NUP153: variants seen among roughly 807,000 people sequenced by gnomAD.
The protein encoded by NUP153 is nuclear pore complex protein Nup153.
Under a neutral mutation model 134.6 loss-of-function variants are expected in NUP153, and 27 were observed. The ratio of observed to expected loss-of-function variants is 0.20; its 90% CI spans 0.15 to 0.28. The LOEUF (loss-of-function observed/expected upper bound fraction) is 0.28, where lower values mean the gene tolerates loss of function less well. Among genes scored for constraint, NUP153 ranks in the 10% least tolerant of loss-of-function variants. The pLI, the probability that NUP153 is intolerant of heterozygous loss-of-function variation, is 1.00. For missense variants in NUP153, 1,821 were observed against 1,731.3 expected (o/e 1.05, Z -0.92); for synonymous variants, 640 against 623.5 (o/e 1.03, Z -0.40).
At chr6:17,652,711 G>C (rs975061630) in intron 11 of NUP153, among the ~76,000 whole-genome samples, 6 of 152,122 alleles carry the variant, frequency 3.9e-5, no homozygotes, top group African/African-American at 1.2e-4. Flanking sequence ...AATTTATAAA[G>C]ACCTCCTAAA....
At chr6:17,686,435 G>A (rs1396721221) in intron 2 of NUP153, among the ~76,000 whole-genome samples, 2 of 149,560 alleles carry the variant, frequency 1.3e-5, no homozygotes, top group Admixed American at 6.7e-5. Context: ...TCTCGCTGTC[G>A]CCCAGGCTGG....
Position 17,680,118 on chromosome 6 carries a change from C to T in NUP153, c.335-4348G>A, listed in dbSNP as rs1251331384. On this transcript the variant is annotated intron_variant, in intron 2 of 21. Coordinates refer to ENST00000262077, the MANE Select transcript of NUP153 (RefSeq NM_005124.4). This position sits in a 1 kb window ranked among gnomAD's most constrained non-coding sequence, Gnocchi z 4.5. ...GAAGCCAGGAAGAGGATCCTTGAGC[C>T]TCACCTCCACTGTTTCCCTTGCGCT... 2.0e-5 allele frequency among the ~76,000 whole-genome samples: 3 copies of T among 152,160 alleles called. No homozygotes were observed. The East Asian group carries it at 5.8e-4, about 29-fold the overall frequency.
chr6:17,658,032 C>A (rs1195934669), intron 11 of NUP153, among the ~76,000 whole-genome samples: 1 of 152,238 alleles, frequency 6.6e-6, no homozygotes, highest in African/African-American at 2.4e-5. Context: ...GCAGCAAAGA[C>A]AACTTGCCAA....
At chr6:17,679,405 A>T (rs1400190191) in intron 2 of NUP153, among the ~76,000 whole-genome samples, 1 of 152,364 alleles carries the variant, frequency 6.6e-6, no homozygotes, top group South Asian at 2.1e-4. Flanking sequence ...ACGTACATGG[A>T]CTACAAGACT....
At chr6:17,705,865 G>A (rs148495824) in intron 1 of NUP153, among the ~76,000 whole-genome samples, 3,159 of 151,982 alleles carry the variant, frequency 0.021, 34 homozygotes, top group Middle Eastern at 0.037. Flanking sequence ...CACTAAAGAA[G>A]GGACACCAGA....
At chr6:17,624,484 G>C in intron 20 of NUP153, 77 bp downstream of exon 20, 6 of 1,381,598 alleles carry the variant, frequency 4.3e-6, no homozygotes, top group Non-Finnish European at 6.0e-6. Context: ...ACATATGAAT[G>C]GTTTCCAAGC....
intron 11 of NUP153, among the ~76,000 whole-genome samples, chr6:17,652,198 C>CATT (rs1766536247): frequency 6.6e-6 from 1 of 152,150 alleles, no homozygotes; most frequent in Non-Finnish European, 1.5e-5. Context: ...AGATCTAATA[C>CATT]TATCAGCTTA....
chr6:17,688,430 T>C lies in NUP153; in HGVS notation c.300A>G (p.Arg100=), dbSNP rs763852727. 6 of 1,613,972 alleles carry C rather than the reference T, an allele frequency of 3.7e-6. No individual in the cohort carries two copies. Among genetic ancestry groups the C allele is most frequent in the Non-Finnish European group, 5.1e-6 (6 of 1,179,952 alleles). ...TACTGACTGCTGGCTCAGGTGTGATTCTCCCATCAGTAATATTAGAGCTCT... is the reference window on the plus strand; with the variant it reads ...TACTGACTGCTGGCTCAGGTGTGATCCTCCCATCAGTAATATTAGAGCTCT... ...DEESSNITDG[R]ITPEPAVSNT... Residue 100 remains arginine, a synonymous_variant, in exon 2 of 22, where the codon AGA becomes AGG. Transcript: ENST00000262077.
chr6:17,632,298 CA>C (rs1026083650), intron 17 of NUP153, among the ~76,000 whole-genome samples: 1 of 148,338 alleles, frequency 6.7e-6, no homozygotes, highest in African/African-American at 2.4e-5. Flanking sequence ...AAAACTGTCT[CA>C]AAAACAAACA....
intron 14 of NUP153, among the ~76,000 whole-genome samples, chr6:17,644,790 A>G (rs1028568214): frequency 4.6e-5 from 7 of 152,128 alleles, no homozygotes; most frequent in Non-Finnish European, 8.8e-5. Flanking sequence ...TAAAAATACA[A>G]AAAATTAGCC....
At chr6:17,699,662 C>T (rs1429613213) in intron 1 of NUP153, among the ~76,000 whole-genome samples, 1 of 151,810 alleles carries the variant, frequency 6.6e-6, no homozygotes, top group African/African-American at 2.4e-5. Flanking sequence ...ATGGTGAAAC[C>T]CCGTGTCTAC....
chr6:17,675,470 A>G lies in NUP153; in HGVS notation c.583+52T>C. The stretch of plus-strand genomic sequence containing the variant: ...TACAACCAAGTCAGAAAAAAAACCC[A>G]TAAAATTTAATGTTACTACCCAAAT... On this transcript the variant is annotated intron_variant, in intron 3 of 21. Transcript: ENST00000262077. This position sits in a 1 kb window ranked among gnomAD's most constrained non-coding sequence, Gnocchi z 4.4. The G allele has an allele frequency of 3.1e-6, 5 of 1,589,506 alleles. No individual in the cohort carries two copies. In the East Asian group the frequency reaches 6.7e-5, roughly 21 times the overall value.
chr6:17,645,129 T>C (rs1231134414), intron 14 of NUP153, among the ~76,000 whole-genome samples: 1 of 151,038 alleles, frequency 6.6e-6, no homozygotes. Context: ...GGCAGGCACC[T>C]GTAATCCAAG....
At chr6:17,645,353 G>A (rs910284291) in intron 14 of NUP153, among the ~76,000 whole-genome samples, 12 of 151,636 alleles carry the variant, frequency 7.9e-5, no homozygotes, top group African/African-American at 2.7e-4. Flanking sequence ...TAGTGTGGTA[G>A]TGCAATCATA....
chr6:17,653,081 T>C lies in NUP153; in HGVS notation c.1396-3781A>G, dbSNP rs559004413. ...CAGCCTGGGCAACATGGTGAAACCC[T>C]GTCTCTAATGAAATATAAAAAATTA... On this transcript the variant is annotated intron_variant, in intron 11 of 21. Transcript: ENST00000262077. Among the ~76,000 whole-genome samples, 9 of 152,124 alleles carry C rather than the reference T, an allele frequency of 5.9e-5. No homozygotes were observed. In the East Asian group the frequency reaches 1.5e-3, roughly 26 times the overall value.
At chr6:17,631,790 C>T (rs991173579) in intron 17 of NUP153, among the ~76,000 whole-genome samples, 2 of 151,980 alleles carry the variant, frequency 1.3e-5, no homozygotes, top group African/African-American at 4.8e-5. Flanking sequence ...CATGGTGAAA[C>T]CCCCGTCTCT....
chr6:17,697,636 C>G (rs1379040145), intron 1 of NUP153, among the ~76,000 whole-genome samples: 4 of 152,006 alleles, frequency 2.6e-5, no homozygotes, highest in Non-Finnish European at 5.9e-5. Flanking sequence ...TGCAGTGAGC[C>G]GAGATCACAT....
At chr6:17,674,702 G>A (rs576623975) in intron 5 of NUP153, among the ~76,000 whole-genome samples, 3 of 152,094 alleles carry the variant, frequency 2.0e-5, no homozygotes, top group African/African-American at 4.8e-5. Flanking sequence ...ACCAGGAGAC[G>A]GAGGTTGCAG....
intron 2 of NUP153, among the ~76,000 whole-genome samples, chr6:17,683,518 T>C (rs1768738599): frequency 6.6e-6 from 1 of 152,328 alleles, no homozygotes; most frequent in African/African-American, 2.4e-5. Context: ...AAGAATCTTT[T>C]TGTCCCCAAG....
Sources: allele counts gnomAD v4.1 joint callset (sites outside exome capture counted in the v4.1 genomes callset), GRCh38; gene constraint gnomAD v4.1.1; non-coding constraint Gnocchi (gnomAD v3.1); transcripts MANE v1.5; gene names NCBI Gene and HGNC (gene_info 2026-07-23, HGNC 2026-07-21).